The following MROH1 variants were observed in gnomAD, a reference collection of about 807,000 sequenced individuals.
The protein encoded by MROH1 is maestro heat-like repeat-containing protein family member 1.
In MROH1, 117 loss-of-function variants were observed where a neutral mutation model predicts 116.5. That is an observed-to-expected ratio of 1.00 (90% CI 0.86 to 1.17). The LOEUF (loss-of-function observed/expected upper bound fraction) is 1.17. MROH1 is among the 50% of genes most tolerant of loss of function. The pLI is 0.00. For missense variants in MROH1, 1,873 were observed against 1,338.5 expected, an observed-to-expected ratio of 1.40 and a Z score of -6.23; for synonymous variants, 921 against 583.9, an observed-to-expected ratio of 1.58 and a Z score of -8.32.
At chr8:144,185,913 C>T (rs62530349) in intron 7 of MROH1, among the ~76,000 whole-genome samples, 117,407 of 129,376 alleles carry the variant, frequency 0.91, 53,494 homozygotes, top group East Asian at 1. Flanking sequence ...GGGGGGGCGG[C>T]GAGGGGCGAC....
At chr8:144,172,577 A>T (rs1341292036) in intron 4 of MROH1, among the ~76,000 whole-genome samples, 1 of 151,682 alleles carries the variant, frequency 6.6e-6, no homozygotes, top group Non-Finnish European at 1.5e-5. Flanking sequence ...ACACCAGCTA[A>T]TTTTTGTATT....
Position 144,257,404 on chromosome 8 carries a change from C to T in MROH1, c.3792-1373C>T, listed in dbSNP as rs1383386176. 2.0e-5 allele frequency among the ~76,000 whole-genome samples: 3 copies of T among 152,298 alleles called. No homozygotes were observed. The East Asian group carries it at 5.8e-4, about 29-fold the overall frequency. Reference sequence around the variant, plus strand: ...ACAGTGGTATACTGGGAGCAGGCCCCCAGCACCTCCTTCCTGGGCTGCCGA... The same window carrying T: ...ACAGTGGTATACTGGGAGCAGGCCCTCAGCACCTCCTTCCTGGGCTGCCGA... On this transcript the variant is annotated intron_variant, in intron 35 of 43. Coordinates refer to ENST00000326134, the MANE Select transcript of MROH1 (RefSeq NM_032450.3).
chr8:144,182,930 T>G lies in MROH1; in HGVS notation c.562+2407T>G, dbSNP rs1826035385. 6.6e-6 allele frequency among the ~76,000 whole-genome samples: 1 copy of G among 152,036 alleles called. No individual in the cohort carries two copies. The highest frequency in any genetic ancestry group is 2.1e-4 in the South Asian group (1 of 4,824). On this transcript the variant is annotated intron_variant, in intron 7 of 43. Coordinates refer to ENST00000326134, the MANE Select transcript of MROH1 (RefSeq NM_032450.3). The surrounding 1 kb of genome is among the most constrained non-coding windows in gnomAD (Gnocchi z 4.1). ...CGTCTCTACTAAAAATACAAAAAAA[T>G]TAGCCGGGTGTGGTGGCGCATGTCT...
chr8:144,198,392 T>A (rs1830409374), intron 10 of MROH1, among the ~76,000 whole-genome samples: 1 of 152,200 alleles, frequency 6.6e-6, no homozygotes, highest in Non-Finnish European at 1.5e-5. Flanking sequence ...CAGAGATGCA[T>A]CTGCCAGCAT....
chr8:144,236,896 CTTTTTTTTTTTTTTTT>C (rs1164804321), intron 14 of MROH1, among the ~76,000 whole-genome samples: 5 of 69,320 alleles, frequency 7.2e-5, no homozygotes, highest in South Asian at 9.8e-4. Context: ...TCTCCTATTC[CTTTTTTTTTTTTTTTT>C]TTTTTTTTTT....
At chr8:144,216,295 A>G (rs1407325543) in intron 12 of MROH1, among the ~76,000 whole-genome samples, 1 of 151,482 alleles carries the variant, frequency 6.6e-6, no homozygotes, top group East Asian at 1.9e-4. Context: ...TAACACAGTG[A>G]AACCCCATCT....
chr8:144,256,653 C>T (rs1316592521), intron 35 of MROH1, among the ~76,000 whole-genome samples: 2 of 152,332 alleles, frequency 1.3e-5, no homozygotes, highest in East Asian at 3.9e-4. Flanking sequence ...GCCCCACGCC[C>T]ACCCCCAGGT....
intron 33 of MROH1, among the ~76,000 whole-genome samples, chr8:144,253,935 T>TG (rs1843253024): frequency 6.6e-6 from 1 of 151,786 alleles, no homozygotes; most frequent in Non-Finnish European, 1.5e-5. Context: ...AGTTTGCAGG[T>TG]GGGGGTTGCT....
intron 10 of MROH1, among the ~76,000 whole-genome samples, chr8:144,197,848 C>T (rs11784336): frequency 0.99 from 147,350 of 149,108 alleles, 72,826 homozygotes; most frequent in East Asian, 1. Context: ...CCGAGGCGGG[C>T]GGATCACCTG....
chr8:144,160,059 G>A (rs1407273360), intron 1 of MROH1, among the ~76,000 whole-genome samples: 3 of 152,078 alleles, frequency 2.0e-5, no homozygotes, highest in Admixed American at 6.6e-5. Flanking sequence ...GTGAGCCACC[G>A]CGCCCGGCCC....
rs1049511995 is a variant in MROH1 at position 144,220,479 on chromosome 8, CT to C, written c.1142-119del. On this transcript the variant is annotated intron_variant, in intron 12 of 43. Transcript: ENST00000326134. ...CCTGAAGAAAAGTGGGTATGCTTTC[CT>C]TATGCTCCCTCTTCCTCCTACACGG... is the stretch of plus-strand genomic sequence containing the variant. The C allele has an allele frequency of 8.1e-5, 61 of 751,122 alleles. No homozygotes were observed. In the African/African-American group the frequency reaches 1.0e-3, roughly 13 times the overall value. The allele number at this position is 751,122 out of a possible 1,614,324, so 46.5% of individuals were successfully genotyped here. A position where few individuals can be genotyped will look rare whatever the true frequency, so the allele number is the denominator to read the frequency against.
intron 12 of MROH1, among the ~76,000 whole-genome samples, chr8:144,206,295 C>T (rs572561457): frequency 7.2e-5 from 11 of 152,326 alleles, no homozygotes; most frequent in South Asian, 6.2e-4. Context: ...CCTTCGTGAG[C>T]GTAGGCATTC....
intron 4 of MROH1, among the ~76,000 whole-genome samples, chr8:144,170,602 G>A (rs546142155): frequency 1.3e-5 from 2 of 152,362 alleles, no homozygotes; most frequent in East Asian, 3.9e-4. Context: ...CCAGAAAGAT[G>A]TGGAACAATA....
intron 1 of MROH1, among the ~76,000 whole-genome samples, chr8:144,159,735 G>A (rs1819028729): frequency 6.6e-6 from 1 of 150,780 alleles, no homozygotes; most frequent in Non-Finnish European, 1.5e-5. Context: ...ACAATGGGTT[G>A]GATTTTCTTG....
At chr8:144,174,489 T>G (rs1823310937) in intron 4 of MROH1, among the ~76,000 whole-genome samples, 1 of 151,274 alleles carries the variant, frequency 6.6e-6, no homozygotes, top group Admixed American at 6.6e-5. Context: ...CTTTTTTTTT[T>G]TTTTTTTAAA....
At chr8:144,197,415 A>ATTTT (rs1830148154) in intron 10 of MROH1, among the ~76,000 whole-genome samples, 9 of 49,436 alleles carry the variant, frequency 1.8e-4, no homozygotes, top group African/African-American at 3.9e-4. Context: ...AAGCTGCAGC[A>ATTTT]TCTTTTTTTT....
intron 14 of MROH1, among the ~76,000 whole-genome samples, chr8:144,237,010 G>A (rs1034812950): frequency 6.9e-4 from 98 of 142,008 alleles, no homozygotes; most frequent in Non-Finnish European, 1.1e-3. Flanking sequence ...GGTTCACGCC[G>A]TTCTTCTGCC....
chr8:144,259,750 A>G (rs199583246), intron 37 of MROH1, among the ~76,000 whole-genome samples, 161 bp from the exon 38 acceptor site: 12,687 of 152,324 alleles, frequency 0.083, 591 homozygotes, highest in Non-Finnish European at 0.1. Flanking sequence ...CCAGCGGCAC[A>G]ACAGGGAGGG....
chr8:144,177,582 G>A (rs1824342377), intron 4 of MROH1, among the ~76,000 whole-genome samples: 2 of 152,204 alleles, frequency 1.3e-5, no homozygotes, highest in South Asian at 2.1e-4. Flanking sequence ...GATGAGGGGA[G>A]TGCAGACCCT....
Sources: allele counts gnomAD v4.1 joint callset (sites outside exome capture counted in the v4.1 genomes callset), GRCh38; gene constraint gnomAD v4.1.1; non-coding constraint Gnocchi (gnomAD v3.1); transcripts MANE v1.5; gene names NCBI Gene and HGNC (gene_info 2026-07-23, HGNC 2026-07-21).